MALRD1: variants seen among roughly 807,000 people sequenced by gnomAD.
MALRD1 encodes the protein MAM and LDL receptor class A domain containing 1.
In MALRD1, 247 loss-of-function variants were observed where a neutral mutation model predicts 242.1. That is an observed-to-expected ratio of 1.02 (90% CI 0.92 to 1.13). The LOEUF is 1.13. MALRD1 is among the 50% of genes most tolerant of loss of function. The pLI is 0.00. For missense variants in MALRD1, 2,989 were observed against 2,533.1 expected (o/e 1.18, Z -3.86); for synonymous variants, 995 against 866.6 (o/e 1.15, Z -2.60).
chr10:19,470,396 C>T (rs113297809), intron 29 of MALRD1, among the ~76,000 whole-genome samples: 1,582 of 152,044 alleles, frequency 0.01, 15 homozygotes, highest in Middle Eastern at 0.014. Flanking sequence ...GCTGCAATTA[C>T]GATACCAGGT....
At chr10:19,123,633 T>G in intron 6 of MALRD1, 40 bp downstream of exon 6, 1 of 1,120,618 alleles carries the variant, frequency 8.9e-7, no homozygotes, top group East Asian at 3.2e-5. Flanking sequence ...CTGGTATATA[T>G]GCAATATGTG....
chr10:19,277,655 A>C (rs1840596503), intron 19 of MALRD1, among the ~76,000 whole-genome samples: 1 of 152,178 alleles, frequency 6.6e-6, no homozygotes, highest in Non-Finnish European at 1.5e-5. Context: ...ATTTTAGAAG[A>C]CCACTTGTCT....
At position 19,530,279 on chromosome 10, in the gene MALRD1, T is replaced by C. The variant is rs1429589988; in HGVS notation, c.5321-915T>C. ...GCTCTAAAAAATTGTGTATTCATTT[T>C]TGTCATCTATATTTTGAAGGACATT... On this transcript the variant is annotated intron_variant, in intron 31 of 39. Transcript: ENST00000454679. Among the ~76,000 whole-genome samples the C allele has an allele frequency of 6.2e-5, 9 of 144,106 alleles. No individual in the cohort carries two copies. In the Admixed American group the frequency reaches 6.7e-4, roughly 11 times the overall value. The allele number at this position is 144,106 out of a possible 152,430, so 94.5% of individuals were successfully genotyped here.
At chr10:19,607,234 C>G (rs578112546) in intron 34 of MALRD1, among the ~76,000 whole-genome samples, 1 of 152,102 alleles carries the variant, frequency 6.6e-6, no homozygotes, top group Non-Finnish European at 1.5e-5. Context: ...CACAGGCTGC[C>G]GTAAGAAAAT....
intron 26 of MALRD1, among the ~76,000 whole-genome samples, chr10:19,376,500 A>C (rs1845602210): frequency 6.6e-6 from 1 of 151,592 alleles, no homozygotes; most frequent in Non-Finnish European, 1.5e-5. Context: ...TTGAACAAAC[A>C]ATGGAGGAAA....
intron 29 of MALRD1, among the ~76,000 whole-genome samples, chr10:19,473,166 T>G (rs182649907): frequency 2.3e-4 from 16 of 70,692 alleles, no homozygotes; most frequent in Admixed American, 1.2e-3. Context: ...ATGAACAAGC[T>G]TTCACATTTC....
intron 11 of MALRD1, among the ~76,000 whole-genome samples, chr10:19,147,735 G>A (rs1298241911): frequency 6.6e-6 from 1 of 152,140 alleles, no homozygotes; most frequent in Non-Finnish European, 1.5e-5. Flanking sequence ...AGGGATGGAA[G>A]GTGATTCAGA....
At chr10:19,368,845 T>C (rs943810666) in intron 26 of MALRD1, among the ~76,000 whole-genome samples, 10 of 150,442 alleles carry the variant, frequency 6.6e-5, no homozygotes, top group Non-Finnish European at 1.3e-4. Flanking sequence ...GATAGCTTTT[T>C]GCTTGTGCTT....
chr10:19,354,718 G>C (rs1306189560), intron 26 of MALRD1, among the ~76,000 whole-genome samples: 1 of 151,934 alleles, frequency 6.6e-6, no homozygotes, highest in Non-Finnish European at 1.5e-5. Flanking sequence ...ATAATTTACT[G>C]TGTATTTCCA....
At chr10:19,625,635 G>C (rs188342263) in intron 36 of MALRD1, among the ~76,000 whole-genome samples, 1 of 152,156 alleles carries the variant, frequency 6.6e-6, no homozygotes, top group African/African-American at 2.4e-5. Context: ...TAAGGCCGAA[G>C]ATGAAAATGT....
At chr10:19,298,585 C>T (rs754878519) in intron 21 of MALRD1, among the ~76,000 whole-genome samples, 14 of 151,918 alleles carry the variant, frequency 9.2e-5, no homozygotes, top group African/African-American at 1.2e-4. Flanking sequence ...GGTAACGTCA[C>T]GACTGAACTG....
intron 28 of MALRD1, among the ~76,000 whole-genome samples, chr10:19,418,404 G>A (rs1205778212): frequency 6.6e-6 from 1 of 151,826 alleles, no homozygotes; most frequent in Non-Finnish European, 1.5e-5. Context: ...ATTTTTCTTG[G>A]GATTTCAGCA....
intron 18 of MALRD1, among the ~76,000 whole-genome samples, chr10:19,256,987 A>G (rs529126828): frequency 3.9e-5 from 6 of 152,220 alleles, no homozygotes; most frequent in East Asian, 1.9e-4. Flanking sequence ...ATTCATCATG[A>G]TCAATTCTGT....
intron 29 of MALRD1, among the ~76,000 whole-genome samples, chr10:19,463,272 G>C (rs962950256): frequency 1.3e-5 from 2 of 151,984 alleles, no homozygotes; most frequent in African/African-American, 2.4e-5. Context: ...CCCATCACGT[G>C]AACAGTACAC....
intron 5 of MALRD1, among the ~76,000 whole-genome samples, chr10:19,105,035 G>C (rs928166261): frequency 2.0e-5 from 3 of 151,846 alleles, no homozygotes; most frequent in Non-Finnish European, 4.4e-5. Flanking sequence ...AAGAACATTT[G>C]AAATTCTCTC....
intron 22 of MALRD1, among the ~76,000 whole-genome samples, 167 bp downstream of exon 22, chr10:19,324,272 T>C (rs1014453229): frequency 6.6e-6 from 1 of 152,208 alleles, no homozygotes; most frequent in Non-Finnish European, 1.5e-5. Flanking sequence ...GAATTGGACA[T>C]GAATAGCTAA....
At chr10:19,413,386 A>G (rs1833361237) in intron 28 of MALRD1, among the ~76,000 whole-genome samples, 1 of 152,142 alleles carries the variant, frequency 6.6e-6, no homozygotes, top group African/African-American at 2.4e-5. Flanking sequence ...ACCCTTCAAC[A>G]GTAATACTCA....
At chr10:19,125,310 C>CTTT (rs1564407791) in intron 7 of MALRD1, among the ~76,000 whole-genome samples, 21 of 71,494 alleles carry the variant, frequency 2.9e-4, no homozygotes, top group Middle Eastern at 6.8e-3. Context: ...TCCTTCCTTC[C>CTTT]TTCCTTCCTT....
chr10:19,647,470 A>G (rs1840706399), intron 36 of MALRD1, among the ~76,000 whole-genome samples: 1 of 152,142 alleles, frequency 6.6e-6, no homozygotes, highest in Non-Finnish European at 1.5e-5. Context: ...CTTGAAGAGG[A>G]ATAGGAATAG....
Sources: allele counts gnomAD v4.1 joint callset (sites outside exome capture counted in the v4.1 genomes callset), GRCh38; gene constraint gnomAD v4.1.1; transcripts MANE v1.5; gene names NCBI Gene and HGNC (gene_info 2026-07-23, HGNC 2026-07-21).